Variants in FRMD5 observed in about 807,000 individuals in gnomAD.
The protein encoded by FRMD5 is FERM domain-containing protein 5.
FRMD5 carries 20 observed loss-of-function variants against 69.0 expected under a neutral mutation model. That is an observed-to-expected ratio of 0.29 (90% confidence interval 0.20 to 0.42). The LOEUF (loss-of-function observed/expected upper bound fraction) is 0.42. Among genes scored for constraint, FRMD5 ranks in the 10% least tolerant of loss-of-function variants. The probability of loss-of-function intolerance (pLI) is 1.00; values close to 1 mark genes in which losing one functional copy is unlikely to be tolerated. For synonymous variants in FRMD5, 271 were observed against 260.1 expected (o/e 1.04, Z -0.40); for missense variants, 595 against 708.6 (o/e 0.84, Z 1.82).
chr15:44,009,770 G>A (rs1890628783), intron 1 of FRMD5, among the ~76,000 whole-genome samples: 1 of 152,144 alleles, frequency 6.6e-6, no homozygotes, highest in South Asian at 2.1e-4. Flanking sequence ...AAGAGGAAAG[G>A]CCCAGAGAAC....
chr15:43,963,171 A>G (rs1405254320), intron 1 of FRMD5, among the ~76,000 whole-genome samples: 1 of 152,240 alleles, frequency 6.6e-6, no homozygotes, highest in Non-Finnish European at 1.5e-5. Context: ...ACAAAGGGCT[A>G]ATATCCAGAA....
chr15:44,005,017 G>C (rs879358089), intron 1 of FRMD5, among the ~76,000 whole-genome samples: 2 of 152,196 alleles, frequency 1.3e-5, no homozygotes, highest in African/African-American at 4.8e-5. Context: ...ACAAGACACA[G>C]CATTCCCTTT....
At chr15:43,998,687 A>G (rs547921774) in intron 1 of FRMD5, among the ~76,000 whole-genome samples, 1 of 152,256 alleles carries the variant, frequency 6.6e-6, no homozygotes, top group Non-Finnish European at 1.5e-5. Context: ...TTCAGATCTA[A>G]TAATGGCTGG....
intron 1 of FRMD5, among the ~76,000 whole-genome samples, chr15:44,005,298 T>C (rs1420109597): frequency 1.3e-5 from 2 of 151,870 alleles, no homozygotes; most frequent in East Asian, 1.9e-4. Flanking sequence ...CTGGCCAACA[T>C]GGTGAAACCC....
In FRMD5 at chr15:44,074,693, C is replaced by G. The variant is rs565969242; in HGVS notation, c.102+120260G>C. The stretch of plus-strand genomic sequence containing the variant: ...GGTTTTTCACTAGGTCTTAGGGTTA[C>G]AGGGATATCATTGAGAAGTCCATGG... On this transcript the variant is annotated intron_variant, in intron 1 of 13. Coordinates refer to ENST00000417257, the MANE Select transcript of FRMD5 (RefSeq NM_032892.5). 5.3e-4 allele frequency among the ~76,000 whole-genome samples: 81 copies of G among 152,168 alleles called. No homozygotes were observed. The South Asian group carries it at 6.0e-3, about 11-fold the overall frequency.
chr15:43,893,455 T>C (rs1173778437), intron 7 of FRMD5, among the ~76,000 whole-genome samples: 1 of 152,144 alleles, frequency 6.6e-6, no homozygotes, highest in Non-Finnish European at 1.5e-5. Context: ...GTGAGCTCCC[T>C]GAGGTCTAGG....
At chr15:43,874,970 C>T (rs766463504) in intron 13 of FRMD5, among the ~76,000 whole-genome samples, 3 of 150,512 alleles carry the variant, frequency 2.0e-5, no homozygotes, top group Non-Finnish European at 3.0e-5. Context: ...GAGGCCAAGG[C>T]GGGCGGATCA....
intron 1 of FRMD5, among the ~76,000 whole-genome samples, chr15:43,985,005 G>A (rs1387112710): frequency 6.7e-6 from 1 of 149,286 alleles, no homozygotes; most frequent in Non-Finnish European, 1.5e-5. Context: ...ACAAGGCCGG[G>A]CACGGTGGCT....
intron 4 of FRMD5, among the ~76,000 whole-genome samples, chr15:43,917,443 T>C (rs2089411370): frequency 6.6e-6 from 1 of 152,004 alleles, no homozygotes; most frequent in Admixed American, 6.6e-5. Flanking sequence ...CAGGCTGGAG[T>C]GTAATGCCGC....
At chr15:43,890,196 C>T (rs141079276) in intron 8 of FRMD5, among the ~76,000 whole-genome samples, 1 of 152,192 alleles carries the variant, frequency 6.6e-6, no homozygotes, top group Non-Finnish European at 1.5e-5. Context: ...TATAGACAAG[C>T]ACACAGATCA....
At chr15:43,932,930 G>A (rs2140469082) in intron 1 of FRMD5, among the ~76,000 whole-genome samples, 1 of 152,340 alleles carries the variant, frequency 6.6e-6, no homozygotes, top group Admixed American at 6.5e-5. Context: ...TCCTGAGAAG[G>A]ACAGCCAGGG....
intron 1 of FRMD5, among the ~76,000 whole-genome samples, chr15:44,014,417 T>C (rs952671966): frequency 6.6e-5 from 10 of 152,176 alleles, no homozygotes; most frequent in African/African-American, 2.4e-4. Context: ...AACCTCTCTA[T>C]ATCCCATTAA....
At chr15:44,087,894 G>A (rs1163821161) in intron 1 of FRMD5, among the ~76,000 whole-genome samples, 1 of 152,090 alleles carries the variant, frequency 6.6e-6, no homozygotes, top group East Asian at 1.9e-4. Context: ...AAAATTGAAA[G>A]CCCAATAGTT....
intron 1 of FRMD5, among the ~76,000 whole-genome samples, chr15:44,116,747 C>T (rs1437493127): frequency 6.6e-6 from 1 of 152,000 alleles, no homozygotes. Flanking sequence ...ATTCTTGGAT[C>T]CTCAAAGAAA....
chr15:43,887,115 C>G (rs1011705636), intron 10 of FRMD5, among the ~76,000 whole-genome samples: 1 of 152,152 alleles, frequency 6.6e-6, no homozygotes, highest in Non-Finnish European at 1.5e-5. Flanking sequence ...AAGGAGATTG[C>G]TTCTGTTTGC....
intron 13 of FRMD5, among the ~76,000 whole-genome samples, chr15:43,880,490 TCTTTA>T (rs2088494807): frequency 6.6e-6 from 1 of 152,290 alleles, no homozygotes; most frequent in Admixed American, 6.5e-5. Context: ...ACTAACCCAT[TCTTTA>T]CTTCCACAGG....
chr15:43,892,273 G>A (rs570766819), intron 7 of FRMD5, among the ~76,000 whole-genome samples: 1 of 152,318 alleles, frequency 6.6e-6, no homozygotes, highest in South Asian at 2.1e-4. Context: ...GTTACTTGCT[G>A]AGCCTCAGTG....
chr15:43,956,287 A>G lies in FRMD5; in HGVS notation c.103-31978T>C, dbSNP rs1021443095. 3.3e-5 allele frequency among the ~76,000 whole-genome samples: 5 copies of G among 152,180 alleles called. No individual in the cohort carries two copies. The East Asian group carries it at 5.8e-4, about 18-fold the overall frequency. ...TCTTGGAATTATGTTTCTATTTTTA[A>G]TGTTTTAATCCAGACACAGCTTTTT... On this transcript the variant is annotated intron_variant, in intron 1 of 13. Transcript: ENST00000417257.
At chr15:44,109,539 T>A (rs996461740) in intron 1 of FRMD5, among the ~76,000 whole-genome samples, 1 of 151,960 alleles carries the variant, frequency 6.6e-6, no homozygotes, top group Non-Finnish European at 1.5e-5. Context: ...AAGTACAGAG[T>A]TCCCATATAC....
Sources: allele counts gnomAD v4.1 joint callset (sites outside exome capture counted in the v4.1 genomes callset), GRCh38; gene constraint gnomAD v4.1.1; transcripts MANE v1.5; gene names NCBI Gene and HGNC (gene_info 2026-07-23, HGNC 2026-07-21).